Variants in RXFP2 observed in about 807,000 individuals in gnomAD.
The protein encoded by RXFP2 is relaxin family peptide receptor 2.
Under a neutral mutation model 88.6 loss-of-function variants are expected in RXFP2, and 68 were observed. The ratio of observed to expected loss-of-function variants is 0.77; its 90% CI spans 0.63 to 0.94. RXFP2 has a LOEUF of 0.94. RXFP2 is among the 40% of genes least tolerant of loss of function. RXFP2 has a pLI of 0.00. For synonymous variants in RXFP2, 329 were observed against 306.8 expected (o/e 1.07, Z -0.76); for missense variants, 791 against 893.9 (o/e 0.88, Z 1.47).
chr13:31,763,789 C>A (rs945499924), intron 3 of RXFP2, among the ~76,000 whole-genome samples: 1 of 152,126 alleles, frequency 6.6e-6, no homozygotes, highest in Non-Finnish European at 1.5e-5. Flanking sequence ...AGTTTCCAAC[C>A]ACAGGTTTTC....
chr13:31,768,472 C>T (rs932265346), intron 5 of RXFP2, among the ~76,000 whole-genome samples: 2 of 152,136 alleles, frequency 1.3e-5, no homozygotes, highest in African/African-American at 4.8e-5. Context: ...GGGGCAGACA[C>T]CGTTACAGCA....
At chr13:31,758,201 A>G (rs937420792) in intron 1 of RXFP2, 57 bp from the exon 2 acceptor site, 71 of 1,596,080 alleles carry the variant, frequency 4.4e-5, no homozygotes, top group Non-Finnish European at 5.6e-5. Context: ...TAAATGGGAC[A>G]ACACGGAGAG....
rs752363079 is a variant in RXFP2 at position 31,791,905 on chromosome 13, C to T, written c.1245C>T (p.Asn415=). ...CTTCATTTGAGGACCTCTTGGCTAA[C>T]AATATCCTCAGAATATTTGTCTGGG... ...GISSFEDLLA[N]NILRIFVWVI... is the part of the protein sequence containing the mutation. Residue 415 remains asparagine (N), a synonymous_variant, in exon 15 of 18, where the codon AAC becomes AAT. Transcript: ENST00000298386. 19 of 1,614,030 alleles carry T rather than the reference C, an allele frequency of 1.2e-5. 1 individual carries two copies. The highest frequency in any genetic ancestry group is 3.3e-4 in the Middle Eastern group (2 of 6,060).
At chr13:31,783,524 G>T (rs973841925) in intron 11 of RXFP2, among the ~76,000 whole-genome samples, 14 of 112,162 alleles carry the variant, frequency 1.2e-4, no homozygotes, top group Non-Finnish European at 2.3e-4. Context: ...AATAATAAGA[G>T]TAATCTAAAA....
chr13:31,787,843 G>T (rs1873619769), intron 13 of RXFP2, among the ~76,000 whole-genome samples: 2 of 152,144 alleles, frequency 1.3e-5, no homozygotes, highest in African/African-American at 2.4e-5. Flanking sequence ...GTTTCATTGT[G>T]TTGCCCAGGC....
chr13:31,797,404 C>G lies in RXFP2; in HGVS notation c.1990C>G (p.Arg664Gly). 11 of 1,613,394 alleles carry G rather than the reference C, an allele frequency of 6.8e-6. No homozygotes were observed. The highest frequency in any genetic ancestry group is 9.3e-6 in the Non-Finnish European group (11 of 1,179,402). Reference protein sequence around the residue: ...VFVVKILSLFRVEIPDTMTSW... With the variant: ...VFVVKILSLFGVEIPDTMTSW... ...TGTAGTTAAAATCCTTTCCCTCTTC[C>G]GGGTGGAAATACCAGGTCAGTCTCT... Residue 664 changes from arginine to glycine, a missense_variant, in exon 17 of 18, where the codon CGG becomes GGG. Transcript: ENST00000298386.
At chr13:31,777,785 C>T (rs890242786) in intron 8 of RXFP2, among the ~76,000 whole-genome samples, 9 of 152,260 alleles carry the variant, frequency 5.9e-5, no homozygotes, top group African/African-American at 1.7e-4. Flanking sequence ...CTTAGAATCT[C>T]CCAGGAGTTC....
At chr13:31,779,681 A>C (rs1469935670) in intron 9 of RXFP2, among the ~76,000 whole-genome samples, 1 of 152,116 alleles carries the variant, frequency 6.6e-6, no homozygotes, top group Non-Finnish European at 1.5e-5. Flanking sequence ...TTCCATGAAA[A>C]TGCTGATGGT....
At chr13:31,786,836 A>T (rs995293416) in intron 13 of RXFP2, among the ~76,000 whole-genome samples, 199 bp downstream of exon 13, 3 of 152,222 alleles carry the variant, frequency 2.0e-5, no homozygotes, top group African/African-American at 7.2e-5. Flanking sequence ...CCATTTCTGT[A>T]CTTGAAGAAG....
Position 31,739,544 on chromosome 13 carries a change from A to G in RXFP2, c.-69A>G. ...CATGCTCAGAACATGGGAGGCACTG[A>G]ACTTACTACATCAGAACTCCTGCTG... On this transcript the variant is annotated 5_prime_UTR_variant, in exon 1 of 18. Transcript: ENST00000298386. 2.5e-5 allele frequency: 24 copies of G among 975,988 alleles called. 1 individual carries two copies. The South Asian group carries it at 3.1e-4, about 13-fold the overall frequency. The allele number at this position is 975,988 out of a possible 1,614,324, so 60.5% of individuals were successfully genotyped here. A position where few individuals can be genotyped will look rare whatever the true frequency, so the allele number is the denominator to read the frequency against.
intron 4 of RXFP2, 71 bp from the exon 5 acceptor site, chr13:31,765,885 A>T: frequency 2.6e-6 from 2 of 755,572 alleles, no homozygotes; most frequent in Non-Finnish European, 4.7e-6. Flanking sequence ...TTTCCCAAGC[A>T]TGTGGCTTCT....
chr13:31,802,162 G>T lies in RXFP2; in HGVS notation c.2022G>T (p.Trp674Cys), dbSNP rs1874376686. ...RVEIPDTMTS[W>C]IVIFFLPVNS... The stretch of plus-strand genomic sequence containing the variant: ...CTTTTCCAGACACAATGACTTCCTG[G>T]ATAGTGATTTTTTTCCTTCCAGTTA... Residue 674 changes from tryptophan (W) to cysteine (C), a missense_variant, in exon 18 of 18, where the codon TGG (tryptophan) becomes TGT (cysteine). By Grantham distance (215) the Trp-to-Cys change is radical. Coordinates refer to ENST00000298386, the MANE Select transcript of RXFP2 (RefSeq NM_130806.5). 1 of 1,613,900 alleles carries T rather than the reference G, an allele frequency of 6.2e-7. No homozygotes were observed. The highest frequency in any genetic ancestry group is 1.1e-5 in the South Asian group (1 of 91,062).
At chr13:31,768,247 T>C (rs1436421589) in intron 5 of RXFP2, among the ~76,000 whole-genome samples, 1 of 152,210 alleles carries the variant, frequency 6.6e-6, no homozygotes, top group Non-Finnish European at 1.5e-5. Flanking sequence ...TGCTATTTGA[T>C]GATTTGCAGG....
intron 7 of RXFP2, among the ~76,000 whole-genome samples, chr13:31,776,558 C>A (rs76513824): frequency 6.6e-6 from 1 of 152,060 alleles, no homozygotes; most frequent in Non-Finnish European, 1.5e-5. Context: ...CACGCCCAGC[C>A]CAGGCAACTT....
chr13:31,764,707 T>C (rs1489126426), intron 3 of RXFP2, among the ~76,000 whole-genome samples: 1 of 151,796 alleles, frequency 6.6e-6, no homozygotes, highest in Non-Finnish European at 1.5e-5. Context: ...CATTAAGAAT[T>C]ACTCAATCAT....
In RXFP2 at chr13:31,766,068, T is replaced by C. The variant is rs757764397; in HGVS notation, c.497+41T>C. The C allele has an allele frequency of 1.7e-5, 16 of 961,980 alleles. No individual in the cohort carries two copies. The African/African-American group carries it at 2.6e-4, about 16-fold the overall frequency. The allele number at this position is 961,980 out of a possible 1,614,324, so 59.6% of individuals were successfully genotyped here. A position where few individuals can be genotyped will look rare whatever the true frequency, so the allele number is the denominator to read the frequency against. ...TAGCATATTTATTTAAAAAAAATCC[T>C]CGTGGTGGTGTAAGATGTTTTTGAT... On this transcript the variant is annotated intron_variant, in intron 5 of 17. Coordinates refer to ENST00000298386, the MANE Select transcript of RXFP2 (RefSeq NM_130806.5).
Position 31,786,459 on chromosome 13 carries a change from G to A in RXFP2, c.1001+5G>A, listed in dbSNP as rs1223218214. On this transcript the variant is annotated splice_donor_5th_base_variant and intron_variant, in intron 12 of 17. Coordinates refer to ENST00000298386, the MANE Select transcript of RXFP2 (RefSeq NM_130806.5). The stretch of plus-strand genomic sequence containing the variant: ...CTTGAAGCTTCTACAAAAGCTGTAA[G>A]TTCTACTTCTCACCATAATCAGATT... 2 of 1,594,820 alleles carry A rather than the reference G, an allele frequency of 1.3e-6. No individual in the cohort carries two copies. Among genetic ancestry groups the A allele is most frequent in the Non-Finnish European group, 1.7e-6 (2 of 1,162,826 alleles).
chr13:31,754,106 C>T (rs1236256273), intron 1 of RXFP2, among the ~76,000 whole-genome samples: 3 of 152,184 alleles, frequency 2.0e-5, no homozygotes, highest in South Asian at 2.1e-4. Flanking sequence ...AGATGCAACT[C>T]AATCTTTTTT....
intron 5 of RXFP2, among the ~76,000 whole-genome samples, chr13:31,767,811 A>G (rs1367942630): frequency 6.6e-6 from 1 of 152,154 alleles, no homozygotes; most frequent in Non-Finnish European, 1.5e-5. Flanking sequence ...CTAGCAATCA[A>G]CTGAATTTCT....
Sources: gnomAD v4.1 joint callset for allele counts (sites outside exome capture counted in the v4.1 genomes callset) on GRCh38, gnomAD v4.1.1 for gene constraint, MANE v1.5 for transcripts, NCBI Gene and HGNC (gene_info 2026-07-23, HGNC 2026-07-21) for gene names.